Variants in FREM1 observed in about 807,000 individuals in gnomAD.
The protein encoded by FREM1 is FRAS1-related extracellular matrix protein 1.
Under a neutral mutation model 210.1 loss-of-function variants are expected in FREM1, and 220 were observed. The ratio of observed to expected loss-of-function variants is 1.05; its 90% CI spans 0.94 to 1.17. The LOEUF (loss-of-function observed/expected upper bound fraction) is 1.17, where lower values mean the gene tolerates loss of function less well. FREM1 is among the 50% of genes most tolerant of loss of function. FREM1 has a pLI of 0.00. For synonymous variants in FREM1, 1,189 were observed against 980.2 expected (o/e 1.21, Z -3.98); for missense variants, 3,454 against 2,675.5 (o/e 1.29, Z -6.42).
chr9:14,901,451 G>T (rs1023905880), intron 1 of FREM1, among the ~76,000 whole-genome samples: 1 of 152,030 alleles, frequency 6.6e-6, no homozygotes, highest in Non-Finnish European at 1.5e-5. Context: ...CCTCAATCTT[G>T]TTCGTTTCAG....
rs180850744 is a variant in FREM1 at position 14,791,924 on chromosome 9, C to G, written c.3981+819G>C. 4.4e-4 allele frequency among the ~76,000 whole-genome samples: 67 copies of G among 152,156 alleles called. 1 individual carries two copies. The highest frequency in any genetic ancestry group is 1.2e-3 in the South Asian group (6 of 4,816). ...CTCAGCTCACTGCAACCTCTCCCCC[C>G]TCTCCCGGGTTCAAGTAATTCTCCT... On this transcript the variant is annotated intron_variant, in intron 22 of 36. Coordinates refer to ENST00000380880, the MANE Select transcript of FREM1 (RefSeq NM_001379081.2).
intron 23 of FREM1, among the ~76,000 whole-genome samples, chr9:14,788,153 G>C (rs1291924145): frequency 6.6e-6 from 1 of 152,138 alleles, no homozygotes; most frequent in Non-Finnish European, 1.5e-5. Context: ...CTAAGATTAT[G>C]CTTCATCCTG....
At chr9:14,861,014 TATATACAC>T (rs1830183237) in intron 3 of FREM1, among the ~76,000 whole-genome samples, 1 of 98,402 alleles carries the variant, frequency 1.0e-5, no homozygotes, top group African/African-American at 5.1e-5. Context: ...CATATATACA[TATATACAC>T]ATATATACAT....
intron 1 of FREM1, among the ~76,000 whole-genome samples, chr9:14,891,040 G>T (rs56021406): frequency 6.6e-6 from 1 of 152,156 alleles, no homozygotes; most frequent in Non-Finnish European, 1.5e-5. Context: ...GGGACCTACC[G>T]TGGGCATGTA....
intron 23 of FREM1, among the ~76,000 whole-genome samples, chr9:14,784,947 T>C (rs139341945): frequency 2.6e-4 from 40 of 152,366 alleles, no homozygotes; most frequent in African/African-American, 9.6e-4. Flanking sequence ...AGCCTGACTG[T>C]ACAAAGTGTT....
intron 1 of FREM1, among the ~76,000 whole-genome samples, chr9:14,900,575 G>T (rs896018939): frequency 6.6e-6 from 1 of 152,190 alleles, no homozygotes; most frequent in African/African-American, 2.4e-5. Flanking sequence ...GGTGGTGGTT[G>T]GTTGGGGGAG....
Position 14,770,876 on chromosome 9 carries a change from T to A in FREM1, c.4858-70A>T, listed in dbSNP as rs1587849694. On this transcript the variant is annotated intron_variant, in intron 25 of 36. Transcript: ENST00000380880. ...ACCCCCATGCAACGTTGGGCTTTAT[T>A]GGTTCAACAATGACACACTGTCCCA... is the stretch of plus-strand genomic sequence containing the variant. The A allele has an allele frequency of 3.6e-6, 4 of 1,106,692 alleles. No homozygotes were observed. The East Asian group carries it at 7.6e-5, about 21-fold the overall frequency. 68.6% of individuals were successfully genotyped at this position (1,106,692 alleles called of 1,614,324 possible).
At chr9:14,861,148 CATATATACGTATATACACATGTATGT>C (rs1830318182) in intron 3 of FREM1, among the ~76,000 whole-genome samples, 3 of 105,888 alleles carry the variant, frequency 2.8e-5, no homozygotes, top group African/African-American at 1.3e-4. Flanking sequence ...CATATATACA[CATATATACGTATATACACATGTATGT>C]ACATATATAC....
At chr9:14,832,625 A>T (rs1455295220) in intron 10 of FREM1, among the ~76,000 whole-genome samples, 1 of 152,116 alleles carries the variant, frequency 6.6e-6, no homozygotes, top group African/African-American at 2.4e-5. Flanking sequence ...CCTGGGAAAA[A>T]CTAATTTTCC....
intron 13 of FREM1, among the ~76,000 whole-genome samples, chr9:14,820,425 C>T (rs1027740157): frequency 6.6e-6 from 1 of 152,168 alleles, no homozygotes; most frequent in Non-Finnish European, 1.5e-5. Context: ...TAGGAAGCAC[C>T]TACTCTTCTC....
rs757106569 is a variant in FREM1 at position 14,862,104 on chromosome 9, C to T, written c.329+1705G>A. On this transcript the variant is annotated intron_variant, in intron 3 of 36. Coordinates refer to ENST00000380880, the MANE Select transcript of FREM1 (RefSeq NM_001379081.2). Reference sequence around the variant, plus strand: ...ATCTTCCTAAGGAATCCTTGAGTGCCGCTTCATTTTCTCAACACAGCATTT... The same window carrying T: ...ATCTTCCTAAGGAATCCTTGAGTGCTGCTTCATTTTCTCAACACAGCATTT... 5.9e-5 allele frequency among the ~76,000 whole-genome samples: 9 copies of T among 152,154 alleles called. No individual in the cohort carries two copies. The East Asian group carries it at 7.7e-4, about 13-fold the overall frequency.
intron 15 of FREM1, among the ~76,000 whole-genome samples, chr9:14,813,762 A>G (rs1451288684): frequency 6.6e-6 from 1 of 150,872 alleles, no homozygotes; most frequent in Non-Finnish European, 1.5e-5. Flanking sequence ...CATATCTTCT[A>G]AAAGGGAGTG....
In FREM1 at chr9:14,894,949, A is replaced by G. The variant is rs571338910; in HGVS notation, c.-268+14965T>C. 9.8e-5 allele frequency among the ~76,000 whole-genome samples: 15 copies of G among 152,372 alleles called. No individual in the cohort carries two copies. The East Asian group carries it at 2.5e-3, about 25-fold the overall frequency. ...GAATTAAACTTGACTGGTAAAGCCA[A>G]TAAAAGCCCTTTGGGAAAAATGGCC... On this transcript the variant is annotated intron_variant, in intron 1 of 36. Coordinates refer to ENST00000380880, the MANE Select transcript of FREM1 (RefSeq NM_001379081.2).
At chr9:14,803,748 TAACAAAAA>T (rs1817790211) in intron 19 of FREM1, among the ~76,000 whole-genome samples, 1 of 152,106 alleles carries the variant, frequency 6.6e-6, no homozygotes, top group African/African-American at 2.4e-5. Flanking sequence ...GAACATGTGT[TAACAAAAA>T]AACACTTGCC....
At chr9:14,768,318 GTTTT>G (rs59443247) in intron 27 of FREM1, among the ~76,000 whole-genome samples, 2 of 134,142 alleles carry the variant, frequency 1.5e-5, no homozygotes, top group African/African-American at 5.5e-5. Flanking sequence ...TTTGGAGCAG[GTTTT>G]TTTTTTTTTT....
chr9:14,818,085 A>G (rs769777833), intron 14 of FREM1, among the ~76,000 whole-genome samples: 40 of 152,334 alleles, frequency 2.6e-4, no homozygotes, highest in Non-Finnish European at 4.0e-4. Flanking sequence ...TAGTTCTTCA[A>G]TTAAAATATG....
chr9:14,798,967 C>G (rs546948863), intron 20 of FREM1, among the ~76,000 whole-genome samples: 1 of 152,024 alleles, frequency 6.6e-6, no homozygotes, highest in Admixed American at 6.5e-5. Context: ...AACCACCACA[C>G]CCGGTCTCCA....
intron 31 of FREM1, among the ~76,000 whole-genome samples, chr9:14,748,014 C>T (rs891498233): frequency 8.5e-5 from 13 of 152,090 alleles, no homozygotes; most frequent in South Asian, 4.2e-4. Flanking sequence ...CACACACACA[C>T]GCGTGTGCAC....
At chr9:14,771,294 T>C (rs760657885) in intron 25 of FREM1, among the ~76,000 whole-genome samples, 4 of 152,188 alleles carry the variant, frequency 2.6e-5, no homozygotes, top group African/African-American at 9.6e-5. Flanking sequence ...TTTACAAATA[T>C]ATAGAAATTT....
Sources: allele counts gnomAD v4.1 joint callset (sites outside exome capture counted in the v4.1 genomes callset), GRCh38; gene constraint gnomAD v4.1.1; transcripts MANE v1.5; gene names NCBI Gene and HGNC (gene_info 2026-07-23, HGNC 2026-07-21).